LAMA2: variants seen among roughly 807,000 people sequenced by gnomAD.
The protein encoded by LAMA2 is laminin subunit alpha-2.
A neutral mutation model predicts 364.8 loss-of-function variants in LAMA2; 269 were observed. The observed-to-expected ratio is 0.74, with a 90% CI of 0.67 to 0.82. The LOEUF (loss-of-function observed/expected upper bound fraction) is 0.82. LAMA2 is among the 40% of genes least tolerant of loss of function. The pLI is 0.00. For missense variants in LAMA2, 3,807 were observed against 3,873.2 expected (o/e 0.98, Z 0.45); for synonymous variants, 1,379 against 1,370.6 (o/e 1.01, Z -0.14).
rs149584988 is a variant in LAMA2 at position 129,054,867 on chromosome 6, A to G, written c.283+4779A>G. ...GATGCAAAGATTGGGGTAGAAAATA[A>G]TTTAGTTCTCCACTCAATTATTTTT... is the stretch of plus-strand genomic sequence containing the variant. On this transcript the variant is annotated intron_variant, in intron 2 of 64. Coordinates refer to ENST00000421865, the MANE Select transcript of LAMA2 (RefSeq NM_000426.4). Among the ~76,000 whole-genome samples the G allele has an allele frequency of 2.4e-3, 358 of 150,946 alleles. 2 individuals carry two copies. Among genetic ancestry groups the G allele is most frequent in the African/African-American group, 7.9e-3 (329 of 41,412 alleles).
chr6:129,403,956 A>G lies in LAMA2; in HGVS notation c.5862A>G (p.Lys1954=), dbSNP rs1213296476. ...EAKDLAHEAT[K]LATGPRGLLK... Reference sequence around the variant, plus strand: ...AAGATCTTGCACATGAAGCTACAAAACTGGTAAGAAACAAATGGCACATGT... The same window carrying G: ...AAGATCTTGCACATGAAGCTACAAAGCTGGTAAGAAACAAATGGCACATGT... The change falls in exon 40 of 65, where the codon AAA becomes AAG. Residue 1954 remains lysine, a synonymous_variant. Transcript: ENST00000421865. The G allele has an allele frequency of 6.2e-7, 1 of 1,613,880 alleles. No individual in the cohort carries two copies. Among genetic ancestry groups the G allele is most frequent in the Admixed American group, 1.7e-5 (1 of 60,020 alleles).
At chr6:129,200,136 G>A (rs1405451866) in intron 12 of LAMA2, among the ~76,000 whole-genome samples, 10 of 89,572 alleles carry the variant, frequency 1.1e-4, no homozygotes, top group South Asian at 1.1e-3. Flanking sequence ...ATATATATAC[G>A]TGTACACATA....
rs1243476821 is a variant in LAMA2 at position 129,465,245 on chromosome 6, A to G, written c.7256A>G (p.Asp2419Gly). 1.9e-6 allele frequency: 3 copies of G among 1,611,732 alleles called. No homozygotes were observed. The South Asian group carries it at 3.3e-5, about 18-fold the overall frequency. Residue 2419 changes from aspartate to glycine, a missense_variant, in exon 51 of 65, where the codon GAT becomes GGT. Coordinates refer to ENST00000421865, the MANE Select transcript of LAMA2 (RefSeq NM_000426.4). ...GTTGTCAGCAATCAAAACCATAATG[A>G]TGGGAAATGGAAATCATTCACTCTG... ...ASVVSNQNHN[D>G]GKWKSFTLSR... is the part of the protein sequence containing the mutation.
chr6:129,130,355 T>C (rs1271816359), intron 4 of LAMA2, among the ~76,000 whole-genome samples: 1 of 152,218 alleles, frequency 6.6e-6, no homozygotes, highest in Non-Finnish European at 1.5e-5. Context: ...AAGAGAAGTC[T>C]GTATATCATC....
At chr6:128,991,613 A>G (rs4594973) in intron 1 of LAMA2, among the ~76,000 whole-genome samples, 86,548 of 152,078 alleles carry the variant, frequency 0.57, 28,552 homozygotes, top group East Asian at 0.96. Flanking sequence ...CTGTTTTGTT[A>G]GTGTACGAAA....
chr6:129,178,007 C>G, intron 10 of LAMA2, 141 bp downstream of exon 10: 1 of 857,304 alleles, frequency 1.2e-6, no homozygotes. Flanking sequence ...GGTGACCCAC[C>G]AGGTTCACTG....
intron 2 of LAMA2, among the ~76,000 whole-genome samples, chr6:129,056,880 G>A (rs549000239): frequency 3.6e-4 from 51 of 142,782 alleles, no homozygotes; most frequent in Non-Finnish European, 5.1e-4. Context: ...ACAGGCACCC[G>A]CCACCATGCC....
intron 12 of LAMA2, among the ~76,000 whole-genome samples, chr6:129,234,077 G>A (rs528194499): frequency 1.1e-4 from 17 of 152,286 alleles, no homozygotes; most frequent in African/African-American, 2.4e-4. Flanking sequence ...AGTTGCAGCC[G>A]AGTAGTGAAG....
At chr6:129,090,805 T>C (rs1197796756) in intron 3 of LAMA2, among the ~76,000 whole-genome samples, 1 of 152,208 alleles carries the variant, frequency 6.6e-6, no homozygotes, top group African/African-American at 2.4e-5. Context: ...GTGTCTCTTT[T>C]TTGGGGATGT....
chr6:128,984,336 A>G (rs1783080732), intron 1 of LAMA2, among the ~76,000 whole-genome samples: 1 of 152,190 alleles, frequency 6.6e-6, no homozygotes. Context: ...CAATATGTGT[A>G]ACTCTTCTGA....
intron 29 of LAMA2, among the ~76,000 whole-genome samples, chr6:129,339,362 G>T (rs1170577145): frequency 6.6e-6 from 1 of 152,146 alleles, no homozygotes; most frequent in Non-Finnish European, 1.5e-5. Context: ...AGAAATACAG[G>T]AGTATTACAA....
In LAMA2 at chr6:129,402,535, A is replaced by G. The variant is rs183232265; in HGVS notation, c.5726+48A>G. 1.9e-5 allele frequency: 30 copies of G among 1,570,964 alleles called. No individual in the cohort carries two copies. The African/African-American group carries it at 3.9e-4, about 20-fold the overall frequency. The stretch of plus-strand genomic sequence containing the variant: ...TGTTTGTGTATTTTGATGCTTGTCC[A>G]AAGGTTTTGACTAGCATAAATAGTA... On this transcript the variant is annotated intron_variant, in intron 39 of 64. Transcript: ENST00000421865.
At chr6:129,412,827 T>C (rs1780602144) in intron 40 of LAMA2, among the ~76,000 whole-genome samples, 1 of 152,204 alleles carries the variant, frequency 6.6e-6, no homozygotes, top group South Asian at 2.1e-4. Context: ...TACTGGCTCA[T>C]GAAGCCTGGA....
At chr6:129,431,865 G>C (rs537898424) in intron 41 of LAMA2, among the ~76,000 whole-genome samples, 1 of 152,160 alleles carries the variant, frequency 6.6e-6, no homozygotes, top group Non-Finnish European at 1.5e-5. Flanking sequence ...AAGATTCTGA[G>C]ATCATGGATG....
intron 53 of LAMA2, among the ~76,000 whole-genome samples, chr6:129,475,785 G>A (rs1235425254): frequency 2.0e-5 from 3 of 152,042 alleles, no homozygotes; most frequent in Non-Finnish European, 4.4e-5. Context: ...TGAACCCCGG[G>A]CCCTGGCCTC....
intron 29 of LAMA2, among the ~76,000 whole-genome samples, chr6:129,333,389 T>C (rs1775770331): frequency 6.6e-6 from 1 of 152,206 alleles, no homozygotes; most frequent in South Asian, 2.1e-4. Flanking sequence ...AAAACATTTC[T>C]TGTCATGTTA....
chr6:129,158,178 C>A (rs1266624213), intron 8 of LAMA2: 3 of 1,613,218 alleles, frequency 1.9e-6, no homozygotes, highest in African/African-American at 1.3e-5. Flanking sequence ...ATAGAGAGAT[C>A]CATTTTCATG....
Position 129,465,127 on chromosome 6 carries a change from T to C in LAMA2, c.7156-18T>C. 1 of 1,597,650 alleles carries C rather than the reference T, an allele frequency of 6.3e-7. No homozygotes were observed. The highest frequency in any genetic ancestry group is 8.6e-7 in the Non-Finnish European group (1 of 1,165,680). ...CTCTGTGTATCTAACCACTGGGGTA[T>C]GTTTACTCTATTAATAGAGAGATTT... On this transcript the variant is annotated intron_variant, in intron 50 of 64. Transcript: ENST00000421865.
At chr6:129,226,444 T>A (rs1384487334) in intron 12 of LAMA2, among the ~76,000 whole-genome samples, 1 of 152,244 alleles carries the variant, frequency 6.6e-6, no homozygotes, top group African/African-American at 2.4e-5. Context: ...CTTTACAATT[T>A]GGCATGTTTT....
Sources: allele counts gnomAD v4.1 joint callset (sites outside exome capture counted in the v4.1 genomes callset), GRCh38; gene constraint gnomAD v4.1.1; transcripts MANE v1.5; gene names NCBI Gene and HGNC (gene_info 2026-07-23, HGNC 2026-07-21).